AP2M1: variants seen among roughly 807,000 people sequenced by gnomAD.
AP2M1 encodes AP-2 complex subunit mu.
AP2M1 carries 5 observed loss-of-function variants against 54.5 expected under a neutral mutation model. The ratio of observed to expected loss-of-function variants is 0.09; its 90% CI spans 0.05 to 0.19. The LOEUF is 0.19. Ranked by LOEUF, AP2M1 falls within the 10% of genes least tolerant of loss-of-function variation. The pLI is 1.00. For synonymous variants in AP2M1, 186 were observed against 208.2 expected, an observed-to-expected ratio of 0.89 and a Z score of 0.92; for missense variants, 178 against 580.2, an observed-to-expected ratio of 0.31 and a Z score of 7.12.
Position 184,178,670 on chromosome 3 carries a change from T to C in AP2M1, c.75-187T>C, listed in dbSNP as rs963039404. Among the ~76,000 whole-genome samples, 5 of 152,244 alleles carry C rather than the reference T, an allele frequency of 3.3e-5. No individual in the cohort carries two copies. Among genetic ancestry groups the C allele is most frequent in the Non-Finnish European group, 7.3e-5 (5 of 68,036 alleles). On this transcript the variant is annotated intron_variant, in intron 2 of 11. Coordinates refer to ENST00000292807, the MANE Select transcript of AP2M1 (RefSeq NM_004068.4). This position sits in a 1 kb window ranked among gnomAD's most constrained non-coding sequence, Gnocchi z 4.9. Reference sequence around the variant, plus strand: ...AGACACTAGCCCAGCTCAGGCACTCTTCCCATGCCTCCACAGGGAGTCATA... The same window carrying C: ...AGACACTAGCCCAGCTCAGGCACTCCTCCCATGCCTCCACAGGGAGTCATA...
At position 184,178,481 on chromosome 3, in the gene AP2M1, CTCTT is replaced by C. The variant is rs1202672561; in HGVS notation, c.75-372_75-369del. 3.9e-5 allele frequency among the ~76,000 whole-genome samples: 6 copies of C among 152,262 alleles called. No individual in the cohort carries two copies. The highest frequency in any genetic ancestry group is 1.2e-4 in the African/African-American group (5 of 41,468). On this transcript the variant is annotated intron_variant, in intron 2 of 11. Coordinates refer to ENST00000292807, the MANE Select transcript of AP2M1 (RefSeq NM_004068.4). The surrounding 1 kb of genome is among the most constrained non-coding windows in gnomAD (Gnocchi z 4.9). The stretch of plus-strand genomic sequence containing the variant: ...AGCGGGAGGACTGAAGAAGCAGTGT[CTCTT>C]TCTGTCCTGGACCTGGGAGCTTACA...
chr3:184,177,755 T>C, intron 2 of AP2M1: 1 of 775,128 alleles, frequency 1.3e-6, no homozygotes. Context: ...GCCCTTGTTC[T>C]TTGCGACTGA....
rs843363 is a variant in AP2M1, at chr3:184,183,074, G to A, written c.1173+206G>A. On this transcript the variant is annotated intron_variant, in intron 11 of 11. Transcript: ENST00000292807. The surrounding 1 kb of genome is among the most constrained non-coding windows in gnomAD (Gnocchi z 5.7). ...ATGAGGCAAATCTTTTACTTCTCTC[G>A]GCTTGTCCTAACACAGTTCTTTCAA... 8.8e-3 allele frequency: 5,541 copies of A among 632,262 alleles called. 45 individuals are homozygous for A. Among genetic ancestry groups the A allele is most frequent in the Non-Finnish European group, 0.014 (4,771 of 349,218 alleles). The allele number at this position is 632,262 out of a possible 1,614,324, so 39.2% of individuals were successfully genotyped here.
At chr3:184,177,782 C>A in intron 2 of AP2M1, 1 of 638,360 alleles carries the variant, frequency 1.6e-6, no homozygotes, top group Non-Finnish European at 2.7e-6. Flanking sequence ...CTATCCTAGC[C>A]TCCGAGGCGC....
At chr3:184,179,346 T>C (rs1715193412) in intron 3 of AP2M1, 1 of 577,596 alleles carries the variant, frequency 1.7e-6, no homozygotes, top group African/African-American at 1.9e-5. Flanking sequence ...CAGCAGGTGA[T>C]CTTCCAAGGG....
In AP2M1 at chr3:184,182,547, A is replaced by G. The variant is rs888244564; in HGVS notation, c.1062-210A>G. Among the ~76,000 whole-genome samples the G allele has an allele frequency of 1.3e-5, 2 of 152,238 alleles. No homozygotes were observed. The highest frequency in any genetic ancestry group is 4.8e-5 in the African/African-American group (2 of 41,526). ...TGAAGCAGACAAAGCAAACGATAGC[A>G]TGTCCAAGTGTCTAGGCAGAAACTG... On this transcript the variant is annotated intron_variant, in intron 10 of 11. Coordinates refer to ENST00000292807, the MANE Select transcript of AP2M1 (RefSeq NM_004068.4). The surrounding 1 kb of genome is among the most constrained non-coding windows in gnomAD (Gnocchi z 5.5).
Position 184,179,907 on chromosome 3 carries a change from C to T in AP2M1, c.341-262C>T, listed in dbSNP as rs187246298. Among the ~76,000 whole-genome samples, 31 of 152,296 alleles carry T rather than the reference C, an allele frequency of 2.0e-4. No homozygotes were observed. The East Asian group carries it at 3.7e-3, about 18-fold the overall frequency. On this transcript the variant is annotated intron_variant, in intron 3 of 11. Transcript: ENST00000292807. ...AACTCCTGGGCTCAAGTGATTCTCC[C>T]ACCTTGGCCTCCCGAAGTGTTGGGA...
At position 184,182,248 on chromosome 3, in the gene AP2M1, A is replaced by G; in HGVS notation, c.1061A>G (p.Lys354Arg). The G allele has an allele frequency of 6.2e-7, 1 of 1,613,874 alleles. No homozygotes were observed. The highest frequency in any genetic ancestry group is 1.1e-5 in the South Asian group (1 of 90,994). The change falls in exon 10 of 12, where the codon AAG (lysine) becomes AGG (arginine). Residue 354 changes from lysine to arginine, a missense_variant and splice_region_variant. By Grantham distance (26) the Lys-to-Arg change is conservative. Around this residue, in one of 5 missense-constraint regions of AP2M1, gnomAD observed 59 missense variants for 176.8 expected, o/e 0.33. Coordinates refer to ENST00000292807, the MANE Select transcript of AP2M1 (RefSeq NM_004068.4). The surrounding 1 kb of genome is among the most constrained non-coding windows in gnomAD (Gnocchi z 5.5). ...GCCAGCGAGAATGCCATCGTGTGGAAGTGAGTCTTTCCTTCATTAGGCCAC... is the reference window on the plus strand; with the variant it reads ...GCCAGCGAGAATGCCATCGTGTGGAGGTGAGTCTTTCCTTCATTAGGCCAC... Reference protein sequence around the residue: ...YKASENAIVWKIKRMAGMKES... With the variant: ...YKASENAIVWRIKRMAGMKES...
At chr3:184,174,989 G>A (rs945565139) in intron 1 of AP2M1, 30 bp downstream of exon 1, 88 of 398,502 alleles carry the variant, frequency 2.2e-4, no homozygotes, top group Non-Finnish European at 3.3e-4. Context: ...TTATGGCGTG[G>A]AGGAGGACGC....
At position 184,181,708 on chromosome 3, in the gene AP2M1, A is replaced by G. The variant is rs752798083; in HGVS notation, c.720A>G (p.Ser240=). 2 of 1,613,954 alleles carry G rather than the reference A, an allele frequency of 1.2e-6. No homozygotes were observed. The highest frequency in any genetic ancestry group is 1.7e-6 in the Non-Finnish European group (2 of 1,179,874). ...CCCCTGCTTGCAGCGGGAAGCAATC[A>G]ATTGCCATTGATGACTGCACCTTCC... ...ADETSKSGKQ[S]IAIDDCTFHQ... is the part of the protein sequence containing the mutation. The change falls in exon 8 of 12, where the codon TCA becomes TCG. Residue 240 remains serine (S), a synonymous_variant. Transcript: ENST00000292807. This position sits in a 1 kb window ranked among gnomAD's most constrained non-coding sequence, Gnocchi z 5.7.
rs1347443861 is a variant in AP2M1, at chr3:184,181,823, T to C, written c.827+8T>C. On this transcript the variant is annotated splice_region_variant and intron_variant, in intron 8 of 11. Coordinates refer to ENST00000292807, the MANE Select transcript of AP2M1 (RefSeq NM_004068.4). The surrounding 1 kb of genome is among the most constrained non-coding windows in gnomAD (Gnocchi z 5.7). ...AGAGTTTGAGCTTATGAGGTGCCAT[T>C]GGGGTGTGAGGAGGCAGCTAGTGCT... The C allele has an allele frequency of 6.2e-7, 1 of 1,614,134 alleles. No homozygotes were observed.
intron 3 of AP2M1, 177 bp downstream of exon 3, chr3:184,179,299 CCTGAAGGCTGGT>C: frequency 1.3e-6 from 1 of 754,054 alleles, no homozygotes; most frequent in Non-Finnish European, 2.1e-6. Context: ...CACATCCAGA[CCTGAAGGCTGGT>C]CTGAAGTAGA....
Position 184,181,297 on chromosome 3 carries a change from A to G in AP2M1, c.707+71A>G, listed in dbSNP as rs943947356. 1.4e-5 allele frequency: 22 copies of G among 1,591,286 alleles called. No homozygotes were observed. Among genetic ancestry groups the G allele is most frequent in the African/African-American group, 4.0e-5 (3 of 74,356 alleles). Reference sequence around the variant, plus strand: ...GCTCAGTGGGGTCTAGTGAACCACAAGTTTCTTCTGGATTTCATTCCCACT... The same window carrying G: ...GCTCAGTGGGGTCTAGTGAACCACAGGTTTCTTCTGGATTTCATTCCCACT... On this transcript the variant is annotated intron_variant, in intron 7 of 11. Transcript: ENST00000292807. The surrounding 1 kb of genome is among the most constrained non-coding windows in gnomAD (Gnocchi z 5.7).
At chr3:184,179,783 C>G (rs544476527) in intron 3 of AP2M1, among the ~76,000 whole-genome samples, 56 of 151,916 alleles carry the variant, frequency 3.7e-4, no homozygotes, top group Admixed American at 3.7e-3. Context: ...GCCTTAGCCT[C>G]CTGAGTAGCT....
chr3:184,180,113 A>C lies in AP2M1; in HGVS notation c.341-56A>C. ...GCCGGTCAGATGTGTAGGCCCAAGT[A>C]GGGGCTGGAATGAAGAAGCTCTGTC... On this transcript the variant is annotated intron_variant, in intron 3 of 11. Transcript: ENST00000292807. The surrounding 1 kb of genome is among the most constrained non-coding windows in gnomAD (Gnocchi z 4.9). 6.4e-7 allele frequency: 1 copy of C among 1,569,000 alleles called. No individual in the cohort carries two copies. The highest frequency in any genetic ancestry group is 2.2e-5 in the East Asian group (1 of 44,572).
Position 184,181,057 on chromosome 3 carries a change from G to T in AP2M1, c.566-28G>T. ...CTGGGCCTGCCTGCCTGACTCCGCT[G>T]CTCCCCATTTATCTGTTCCATCACC... On this transcript the variant is annotated intron_variant, in intron 6 of 11. Transcript: ENST00000292807. This position sits in a 1 kb window ranked among gnomAD's most constrained non-coding sequence, Gnocchi z 5.7. 6.2e-7 allele frequency: 1 copy of T among 1,614,152 alleles called. No individual in the cohort carries two copies. The highest frequency in any genetic ancestry group is 1.7e-5 in the Admixed American group (1 of 60,028).
rs777328630 is a variant in AP2M1 at position 184,183,014 on chromosome 3, C to T, written c.1173+146C>T. On this transcript the variant is annotated intron_variant, in intron 11 of 11. Transcript: ENST00000292807. This position sits in a 1 kb window ranked among gnomAD's most constrained non-coding sequence, Gnocchi z 5.7. ...CTTTAATTCATAGATCCATTCTTCC[C>T]CTTTCAAGCCTCTTAGTAGAAATTA... 1 of 733,720 alleles carries T rather than the reference C, an allele frequency of 1.4e-6. No homozygotes were observed. The highest frequency in any genetic ancestry group is 2.5e-6 in the Non-Finnish European group (1 of 408,060). 45.5% of individuals were successfully genotyped at this position (733,720 alleles called of 1,614,324 possible).
At chr3:184,177,151 TG>T in intron 2 of AP2M1, 84 bp downstream of exon 2, 1 of 1,383,492 alleles carries the variant, frequency 7.2e-7, no homozygotes, top group Non-Finnish European at 9.9e-7. Flanking sequence ...TTCCCACCAT[TG>T]GCTTGACTTG....
chr3:184,180,050 T>A lies in AP2M1; in HGVS notation c.341-119T>A. On this transcript the variant is annotated intron_variant, in intron 3 of 11. Transcript: ENST00000292807. The surrounding 1 kb of genome is among the most constrained non-coding windows in gnomAD (Gnocchi z 4.9). Reference sequence around the variant, plus strand: ...AATAAATGCTACAAAGCTAGAAGACTTTCTTGCGGATGATCCCACATGGGC... The same window carrying A: ...AATAAATGCTACAAAGCTAGAAGACATTCTTGCGGATGATCCCACATGGGC... 1.2e-6 allele frequency: 1 copy of A among 836,490 alleles called. No homozygotes were observed. Among genetic ancestry groups the A allele is most frequent in the South Asian group, 1.6e-5 (1 of 63,518 alleles). The allele number at this position is 836,490 out of a possible 1,614,324, so 51.8% of individuals were successfully genotyped here. A position where few individuals can be genotyped will look rare whatever the true frequency, so the allele number is the denominator to read the frequency against.
Sources: gnomAD v4.1 joint callset for allele counts (sites outside exome capture counted in the v4.1 genomes callset) on GRCh38, gnomAD v4.1.1 for gene constraint, gnomAD v4.1.1 regional missense constraint, Gnocchi (gnomAD v3.1) non-coding constraint, MANE v1.5 for transcripts, NCBI Gene and HGNC (gene_info 2026-07-23, HGNC 2026-07-21) for gene names.